The following WDFY3 variants were observed in gnomAD, a reference collection of about 807,000 sequenced individuals.
WDFY3 encodes the protein WD repeat and FYVE domain containing 3, also known as WD repeat and FYVE domain-containing protein 3.
In WDFY3, 66 loss-of-function variants were observed where a neutral mutation model predicts 409.6. The ratio of observed to expected loss-of-function variants is 0.16; its 90% CI spans 0.13 to 0.20. The LOEUF (loss-of-function observed/expected upper bound fraction) is 0.20, where lower values mean the gene tolerates loss of function less well. WDFY3 is among the 10% of genes least tolerant of loss of function. The pLI is 1.00. For missense variants in WDFY3, 3,031 were observed against 4,298.1 expected, an observed-to-expected ratio of 0.71 and a Z score of 8.24; for synonymous variants, 1,521 against 1,537.1, an observed-to-expected ratio of 0.99 and a Z score of 0.25.
At chr4:84,731,187 A>T (rs1736543882) in intron 44 of WDFY3, among the ~76,000 whole-genome samples, 1 of 152,186 alleles carries the variant, frequency 6.6e-6, no homozygotes, top group African/African-American at 2.4e-5. Flanking sequence ...TGGGCCTCGG[A>T]TTGGACAACC....
chr4:84,848,328 G>A (rs1392205148), intron 5 of WDFY3, among the ~76,000 whole-genome samples: 1 of 151,822 alleles, frequency 6.6e-6, no homozygotes, highest in East Asian at 1.9e-4. Flanking sequence ...CAATAACAAT[G>A]TAAGAGCCTA....
intron 26 of WDFY3, 91 bp downstream of exon 26, chr4:84,780,017 T>A (rs1447392537): frequency 7.4e-6 from 10 of 1,346,692 alleles, no homozygotes; most frequent in Non-Finnish European, 9.9e-6. Context: ...AATATAATTC[T>A]TCCAGAGTTT....
intron 47 of WDFY3, 116 bp from the exon 48 acceptor site, chr4:84,718,686 G>A (rs1038375963): frequency 1.6e-6 from 2 of 1,248,328 alleles, no homozygotes; most frequent in African/African-American, 3.0e-5. Context: ...TAAGCATATT[G>A]AGAAGATTAA....
At chr4:84,687,065 G>C (rs1324129579) in intron 62 of WDFY3, among the ~76,000 whole-genome samples, 1 of 152,070 alleles carries the variant, frequency 6.6e-6, no homozygotes, top group African/African-American at 2.4e-5. Flanking sequence ...TTTTTCTCTT[G>C]TTTGGGTACC....
At chr4:84,798,246 T>C (rs1343117061) in intron 17 of WDFY3, 138 bp from the exon 18 acceptor site, 3 of 668,346 alleles carry the variant, frequency 4.5e-6, no homozygotes, top group Non-Finnish European at 7.3e-6. Context: ...TAAAACAATA[T>C]AGTGTTAGTT....
chr4:84,950,080 G>C (rs1773407052), intron 1 of WDFY3, among the ~76,000 whole-genome samples: 1 of 152,166 alleles, frequency 6.6e-6, no homozygotes, highest in Non-Finnish European at 1.5e-5. Context: ...AAAAAAGAAT[G>C]AGTTCATGTG....
At chr4:84,918,448 T>A (rs1357682501) in intron 2 of WDFY3, among the ~76,000 whole-genome samples, 1 of 152,162 alleles carries the variant, frequency 6.6e-6, no homozygotes, top group African/African-American at 2.4e-5. Flanking sequence ...GACAATATGC[T>A]ATCTTTTGTG....
chr4:84,891,228 T>A (rs1764905256), intron 3 of WDFY3, among the ~76,000 whole-genome samples: 1 of 152,168 alleles, frequency 6.6e-6, no homozygotes, highest in African/African-American at 2.4e-5. Flanking sequence ...TGCCCTTTCC[T>A]CTCTTCCATG....
chr4:84,911,869 A>C (rs1767841854), intron 2 of WDFY3, among the ~76,000 whole-genome samples: 1 of 152,196 alleles, frequency 6.6e-6, no homozygotes, highest in African/African-American at 2.4e-5. Flanking sequence ...CATAATCAAG[A>C]GAAATGTAAA....
intron 33 of WDFY3, 86 bp from the exon 34 acceptor site, chr4:84,755,486 TG>T: frequency 6.8e-7 from 1 of 1,468,366 alleles, no homozygotes; most frequent in South Asian, 1.4e-5. Flanking sequence ...AAAATTTCTT[TG>T]AAACTAGTTT....
chr4:84,829,143 C>A lies in WDFY3; in HGVS notation c.817G>T (p.Asp273Tyr), dbSNP rs771377180. 1.9e-6 allele frequency: 3 copies of A among 1,612,054 alleles called. No homozygotes were observed. Among genetic ancestry groups the A allele is most frequent in the Admixed American group, 3.3e-5 (2 of 59,864 alleles). ...TCVQNMQQSD[D>Y]LSPLEIVEMF... Reference sequence around the variant, plus strand: ...TCGACAATTTCTAGGGGAGACAGGTCATCTGATTGCTGCATATTCTGAACA... The same window carrying A: ...TCGACAATTTCTAGGGGAGACAGGTAATCTGATTGCTGCATATTCTGAACA... The change falls in exon 9 of 68, where the codon GAC (aspartate) becomes TAC (tyrosine). Residue 273 changes from aspartate (D) to tyrosine (Y), a missense_variant. Asp to Tyr is a radical substitution (Grantham distance 160, BLOSUM62 -3). This residue lies in a region of WDFY3 where 1,322 missense variants were observed against 1,697.9 expected (regional missense o/e 0.78). Transcript: ENST00000295888.
intron 3 of WDFY3, among the ~76,000 whole-genome samples, chr4:84,884,671 A>G (rs1362944112): frequency 2.0e-5 from 3 of 152,212 alleles, no homozygotes; most frequent in Non-Finnish European, 4.4e-5. Flanking sequence ...TAAATTATAT[A>G]ATTTTTAGAC....
At position 84,926,007 on chromosome 4, in the gene WDFY3, C is replaced by A. The variant is rs1579155427; in HGVS notation, c.-132+6263G>T. On this transcript the variant is annotated intron_variant, in intron 2 of 67. Coordinates refer to ENST00000295888, the MANE Select transcript of WDFY3 (RefSeq NM_014991.6). ...GTAAGGGAGAGACTAAACCATTGGGCAGTCTATACTTGTTTTCAGATTTCT... is the reference window on the plus strand; with the variant it reads ...GTAAGGGAGAGACTAAACCATTGGGAAGTCTATACTTGTTTTCAGATTTCT... Among the ~76,000 whole-genome samples, 3 of 150,878 alleles carry A rather than the reference C, an allele frequency of 2.0e-5. No homozygotes were observed. In the South Asian group the frequency reaches 6.3e-4, roughly 32 times the overall value.
At chr4:84,935,380 G>C (rs1771285252) in intron 1 of WDFY3, among the ~76,000 whole-genome samples, 1 of 152,180 alleles carries the variant, frequency 6.6e-6, no homozygotes, top group Non-Finnish European at 1.5e-5. Flanking sequence ...CCAACGTGTA[G>C]TAATGCCAAC....
At chr4:84,697,946 T>C (rs984374064) in intron 56 of WDFY3, among the ~76,000 whole-genome samples, 1 of 152,200 alleles carries the variant, frequency 6.6e-6, no homozygotes, top group Non-Finnish European at 1.5e-5. Flanking sequence ...AAATATCAGT[T>C]TGTTGTTTAA....
At chr4:84,786,634 A>G (rs1416718159) in intron 23 of WDFY3, among the ~76,000 whole-genome samples, 5 of 152,178 alleles carry the variant, frequency 3.3e-5, no homozygotes, top group Non-Finnish European at 7.3e-5. Context: ...TTATCACTTA[A>G]AAGCTGTGCG....
At chr4:84,759,345 C>G (rs1446343873) in intron 32 of WDFY3, among the ~76,000 whole-genome samples, 3 of 152,030 alleles carry the variant, frequency 2.0e-5, no homozygotes, top group Non-Finnish European at 4.4e-5. Flanking sequence ...GTGAAGAAAG[C>G]CATTGGTAGC....
intron 32 of WDFY3, among the ~76,000 whole-genome samples, chr4:84,761,076 T>G (rs1742490585): frequency 6.6e-6 from 1 of 152,170 alleles, no homozygotes. Context: ...CAGTAGTCAT[T>G]CAGGAGCAGG....
intron 29 of WDFY3, among the ~76,000 whole-genome samples, chr4:84,773,685 A>G (rs1446887308): frequency 1.3e-5 from 2 of 152,208 alleles, no homozygotes; most frequent in Non-Finnish European, 2.9e-5. Flanking sequence ...TCTCCAAAAT[A>G]ATTCTTAAGC....
Sources: gnomAD v4.1 joint callset for allele counts (sites outside exome capture counted in the v4.1 genomes callset) on GRCh38, gnomAD v4.1.1 for gene constraint, gnomAD v4.1.1 regional missense constraint, MANE v1.5 for transcripts, NCBI Gene and HGNC (gene_info 2026-07-23, HGNC 2026-07-21) for gene names.